Variants in SYT9 observed in about 807,000 individuals in gnomAD.
SYT9 encodes synaptotagmin 9.
In SYT9, 22 loss-of-function variants were observed where a neutral mutation model predicts 48.4. The observed-to-expected ratio is 0.45, with a 90% CI of 0.32 to 0.65. SYT9 has a LOEUF of 0.65. Ranked by LOEUF, SYT9 falls within the 30% of genes least tolerant of loss-of-function variation. SYT9 has a pLI of 0.03. For missense variants in SYT9, 577 were observed against 622.0 expected (o/e 0.93, Z 0.77); for synonymous variants, 265 against 245.0 (o/e 1.08, Z -0.76).
chr11:7,341,512 T>TAA (rs1276488969), intron 3 of SYT9, among the ~76,000 whole-genome samples: 1 of 152,216 alleles, frequency 6.6e-6, no homozygotes, highest in Non-Finnish European at 1.5e-5. Context: ...TGCTGCCATG[T>TAA]AAGACATGCT....
chr11:7,462,389 A>T (rs1848252596), intron 6 of SYT9, among the ~76,000 whole-genome samples: 1 of 152,056 alleles, frequency 6.6e-6, no homozygotes. Flanking sequence ...TCATTTTTCC[A>T]TGCTACTGGC....
chr11:7,461,070 T>C (rs1288376065), intron 6 of SYT9, among the ~76,000 whole-genome samples: 1 of 152,076 alleles, frequency 6.6e-6, no homozygotes, highest in Admixed American at 6.6e-5. Context: ...TGCTGTACTG[T>C]CAGTGGGAGA....
intron 3 of SYT9, among the ~76,000 whole-genome samples, chr11:7,332,134 G>A (rs1849545483): frequency 6.6e-6 from 1 of 152,160 alleles, no homozygotes. Context: ...GAGGCAGGTG[G>A]GTGAAGGGAG....
chr11:7,290,332 A>G (rs10839757), intron 1 of SYT9, among the ~76,000 whole-genome samples: 73,202 of 151,910 alleles, frequency 0.48, 17,827 homozygotes, highest in Middle Eastern at 0.53. Context: ...TTTCCCTGAA[A>G]CAGTCTGGAT....
chr11:7,410,331 C>T (rs1028039615), intron 3 of SYT9, among the ~76,000 whole-genome samples: 1 of 152,248 alleles, frequency 6.6e-6, no homozygotes, highest in Middle Eastern at 3.4e-3. Context: ...ATAAAATGTT[C>T]TGTAAGTGTG....
intron 3 of SYT9, among the ~76,000 whole-genome samples, chr11:7,411,975 T>C (rs925157128): frequency 6.6e-6 from 1 of 152,178 alleles, no homozygotes; most frequent in African/African-American, 2.4e-5. Flanking sequence ...TTCTGCTTAA[T>C]CTAATCTATT....
chr11:7,419,309 T>C (rs1486664743), intron 5 of SYT9, among the ~76,000 whole-genome samples: 1 of 152,174 alleles, frequency 6.6e-6, no homozygotes, highest in Non-Finnish European at 1.5e-5. Context: ...CCTGGAAAAA[T>C]TCATGGCAGA....
rs375976845 is a variant in SYT9, at chr11:7,418,078, C to A, written c.1287C>A (p.Pro429=). 6.2e-7 allele frequency: 1 copy of A among 1,613,982 alleles called. No homozygotes were observed. Residue 429 remains proline, a synonymous_variant, in exon 5 of 7, where the codon CCC becomes CCA. Transcript: ENST00000318881. ...YNEAIVFDVP[P]ENIDQIHLSI... ...AAGCCATAGTCTTTGATGTCCCTCCCGAGAACATTGACCAAATCCACTTGT... is the reference window on the plus strand; with the variant it reads ...AAGCCATAGTCTTTGATGTCCCTCCAGAGAACATTGACCAAATCCACTTGT...
intron 3 of SYT9, among the ~76,000 whole-genome samples, chr11:7,407,742 C>A (rs7112827): frequency 0.039 from 5,953 of 152,212 alleles, 354 homozygotes; most frequent in African/African-American, 0.13. Flanking sequence ...ATCCAGTTTC[C>A]TTTTTCTGTA....
chr11:7,462,860 G>A (rs1477742753), intron 6 of SYT9, among the ~76,000 whole-genome samples: 1 of 152,040 alleles, frequency 6.6e-6, no homozygotes, highest in African/African-American at 2.4e-5. Flanking sequence ...ATTATCTAAT[G>A]TTTCACTCTG....
At chr11:7,382,580 G>A (rs1405288623) in intron 3 of SYT9, among the ~76,000 whole-genome samples, 1 of 152,180 alleles carries the variant, frequency 6.6e-6, no homozygotes, top group Non-Finnish European at 1.5e-5. Flanking sequence ...ATGAGTCTAT[G>A]GTGCATGGAA....
chr11:7,255,274 A>T (rs1847946929), intron 1 of SYT9, among the ~76,000 whole-genome samples: 1 of 152,206 alleles, frequency 6.6e-6, no homozygotes, highest in Non-Finnish European at 1.5e-5. Context: ...ATGATTCTAG[A>T]AATGGTGACT....
chr11:7,276,841 T>C (rs997118518), intron 1 of SYT9, among the ~76,000 whole-genome samples: 1 of 151,988 alleles, frequency 6.6e-6, no homozygotes, highest in African/African-American at 2.4e-5. Flanking sequence ...AGGTCAGGTG[T>C]TCGAGACCAG....
chr11:7,452,780 T>G (rs1848078570), intron 6 of SYT9, among the ~76,000 whole-genome samples: 2 of 152,022 alleles, frequency 1.3e-5, no homozygotes. Context: ...ACAGAAAACC[T>G]AACCCAAACT....
At chr11:7,307,762 A>T (rs1305800790) in intron 2 of SYT9, among the ~76,000 whole-genome samples, 1 of 152,240 alleles carries the variant, frequency 6.6e-6, no homozygotes, top group East Asian at 1.9e-4. Flanking sequence ...GCTAGGATCA[A>T]TGGGAATGAA....
At chr11:7,391,069 A>G (rs543684973) in intron 3 of SYT9, among the ~76,000 whole-genome samples, 1 of 152,168 alleles carries the variant, frequency 6.6e-6, no homozygotes, top group Non-Finnish European at 1.5e-5. Context: ...ATAAGTGAGA[A>G]TACATAATAT....
intron 6 of SYT9, among the ~76,000 whole-genome samples, chr11:7,431,705 T>G (rs1286698408): frequency 6.6e-6 from 1 of 152,240 alleles, no homozygotes; most frequent in African/African-American, 2.4e-5. Context: ...CCCACATCCC[T>G]ACTGCTCCAG....
intron 6 of SYT9, among the ~76,000 whole-genome samples, chr11:7,462,849 T>A (rs1365168302): frequency 6.6e-6 from 1 of 152,196 alleles, no homozygotes; most frequent in Non-Finnish European, 1.5e-5. Flanking sequence ...CACAGAGAGA[T>A]ATTATCTAAT....
At chr11:7,402,029 A>G (rs1846904279) in intron 3 of SYT9, among the ~76,000 whole-genome samples, 2 of 151,818 alleles carry the variant, frequency 1.3e-5, no homozygotes, top group Admixed American at 1.3e-4. Context: ...AGATTTTGAT[A>G]TTTGTGTTTT....
Sources: gnomAD v4.1 joint callset for allele counts (sites outside exome capture counted in the v4.1 genomes callset) on GRCh38, gnomAD v4.1.1 for gene constraint, MANE v1.5 for transcripts, NCBI Gene and HGNC (gene_info 2026-07-23, HGNC 2026-07-21) for gene names.